OXNAD1: variants seen among roughly 807,000 people sequenced by gnomAD.
OXNAD1 encodes oxidoreductase NAD binding domain containing 1.
In OXNAD1, 34 loss-of-function variants were observed where a neutral mutation model predicts 32.9. The ratio of observed to expected loss-of-function variants is 1.03; its 90% CI spans 0.79 to 1.38. OXNAD1 has a LOEUF of 1.38. Among genes scored for constraint, OXNAD1 ranks in the 40% most tolerant of loss-of-function variants. The pLI, the probability that OXNAD1 is intolerant of heterozygous loss-of-function variation, is 0.00. For synonymous variants in OXNAD1, 134 were observed against 135.2 expected (o/e 0.99, Z 0.06); for missense variants, 407 against 379.4 (o/e 1.07, Z -0.60).
In OXNAD1 at chr3:16,315,982, T is replaced by C. The variant is rs541453825; in HGVS notation, c.*30+12390T>C. On this transcript the variant is annotated intron_variant, in intron 9 of 9. Transcript: ENST00000435829. ...TTGCATCTACCTAAAGCCTTAATAC[T>C]TTCTGGACGATATACACATGATAAA... 4 of 152,350 alleles carry C rather than the reference T, an allele frequency of 2.6e-5. No individual in the cohort carries two copies. The South Asian group carries it at 8.3e-4, about 32-fold the overall frequency. The allele number at this position is 152,350 out of a possible 1,614,324, so 9.4% of individuals were successfully genotyped here.
At position 16,312,317 on chromosome 3, in the gene OXNAD1, C is replaced by T. The variant is rs62233915; in HGVS notation, c.*30+8725C>T. On this transcript the variant is annotated intron_variant, in intron 9 of 9. Transcript: ENST00000435829. This position sits in a 1 kb window ranked among gnomAD's most constrained non-coding sequence, Gnocchi z 4.7. Reference sequence around the variant, plus strand: ...TGGGAAGCTGCATCAGTGGTTTTGGCGGGTCATAGTGCAGGCAGAGCACTA... The same window carrying T: ...TGGGAAGCTGCATCAGTGGTTTTGGTGGGTCATAGTGCAGGCAGAGCACTA... 0.13 allele frequency among the ~76,000 whole-genome samples: 20,477 copies of T among 152,086 alleles called. 1,464 individuals are homozygous for T. The highest frequency in any genetic ancestry group is 0.17 in the Middle Eastern group (49 of 294).
intron 4 of OXNAD1, among the ~76,000 whole-genome samples, chr3:16,272,589 C>G (rs2065025935): frequency 6.8e-6 from 1 of 148,134 alleles, no homozygotes; most frequent in Admixed American, 6.7e-5. Context: ...AGGCTAACTT[C>G]TTTCAGAAAG....
At chr3:16,326,726 A>C (rs2069733134) in intron 9 of OXNAD1, 1 of 1,406,350 alleles carries the variant, frequency 7.1e-7, no homozygotes, top group Non-Finnish European at 1.0e-6. Flanking sequence ...AGTGACTAGC[A>C]CAGAGTAAGT....
chr3:16,332,145 T>C (rs1348428706), intron 9 of OXNAD1, among the ~76,000 whole-genome samples: 1 of 152,222 alleles, frequency 6.6e-6, no homozygotes, highest in Non-Finnish European at 1.5e-5. Flanking sequence ...AATCTGAAGA[T>C]TCTTGTCCTT....
At chr3:16,309,047 T>TA (rs1319804186), downstream of OXNAD1, among the ~76,000 whole-genome samples, 1 of 152,220 alleles carries the variant, frequency 6.6e-6, no homozygotes, top group African/African-American at 2.4e-5. Context: ...AACTTCTGTA[T>TA]AAAAAACTTG....
At chr3:16,270,633 C>T (rs1475224209) in intron 2 of OXNAD1, among the ~76,000 whole-genome samples, 1 of 152,176 alleles carries the variant, frequency 6.6e-6, no homozygotes, top group African/African-American at 2.4e-5. Context: ...AATCTCCCCT[C>T]TTCTATAATA....
rs1308726994 is a variant in OXNAD1, at chr3:16,290,281, G to A, written c.290+3833G>A. ...ACATTTTTAAAGGTGTGTGTTTAAGGTATAATTCTTTCTTGGACAGATGTT... is the reference window on the plus strand; with the variant it reads ...ACATTTTTAAAGGTGTGTGTTTAAGATATAATTCTTTCTTGGACAGATGTT... On this transcript the variant is annotated intron_variant, in intron 5 of 8. Coordinates refer to ENST00000285083, the MANE Select transcript of OXNAD1 (RefSeq NM_138381.5). This position sits in a 1 kb window ranked among gnomAD's most constrained non-coding sequence, Gnocchi z 4.2. Among the ~76,000 whole-genome samples the A allele has an allele frequency of 6.6e-6, 1 of 152,184 alleles. No homozygotes were observed. The highest frequency in any genetic ancestry group is 1.5e-5 in the Non-Finnish European group (1 of 68,016).
At chr3:16,291,616 C>A (rs1186664082) in intron 5 of OXNAD1, among the ~76,000 whole-genome samples, 1 of 152,142 alleles carries the variant, frequency 6.6e-6, no homozygotes, top group Non-Finnish European at 1.5e-5. Context: ...ATGGATATGC[C>A]ACATTTTGTT....
intron 5 of OXNAD1, 64 bp from the exon 6 acceptor site, chr3:16,294,792 C>A: frequency 6.7e-7 from 1 of 1,496,898 alleles, no homozygotes. Context: ...TTTGTCAATT[C>A]TGTTTAATTT....
intron 9 of OXNAD1, among the ~76,000 whole-genome samples, chr3:16,318,855 C>T (rs1017238499): frequency 6.6e-6 from 1 of 152,184 alleles, no homozygotes; most frequent in Non-Finnish European, 1.5e-5. Flanking sequence ...ATGGGTGGAG[C>T]TTCTTCCACC....
rs550220032 is a variant in OXNAD1, at chr3:16,348,216, G to T, written c.*31-960G>T. Among the ~76,000 whole-genome samples, 2 of 152,142 alleles carry T rather than the reference G, an allele frequency of 1.3e-5. No individual in the cohort carries two copies. Among genetic ancestry groups the T allele is most frequent in the Admixed American group, 1.3e-4 (2 of 15,290 alleles). On this transcript the variant is annotated intron_variant, in intron 9 of 9. Transcript: ENST00000606098. The surrounding 1 kb of genome is among the most constrained non-coding windows in gnomAD (Gnocchi z 6.3). ...AGAGGCACAAGTGCTGCCTGTTTGA[G>T]GTGAAAGCATGATGGTAAAAAGGAA...
intron 9 of OXNAD1, among the ~76,000 whole-genome samples, chr3:16,318,126 A>G (rs1328627084): frequency 6.6e-6 from 1 of 151,990 alleles, no homozygotes; most frequent in East Asian, 1.9e-4. Flanking sequence ...TTGGGCAACA[A>G]CCAGGGTCTC....
chr3:16,313,205 A>ATTTTTTTTTTTTTT (rs750491540), intron 9 of OXNAD1, among the ~76,000 whole-genome samples: 2,392 of 103,418 alleles, frequency 0.023, 204 homozygotes, highest in African/African-American at 0.029. Flanking sequence ...CACCCAGCGG[A>ATTTTTTTTTTTTTT]TTTTTTTTTT....
In OXNAD1 at chr3:16,329,096, T is replaced by C. The variant is rs2070027988; in HGVS notation, c.*31-8016T>C. The stretch of plus-strand genomic sequence containing the variant: ...GTCAGAAGGGCTCCACTCTTGTGAA[T>C]GGGTTAATGCCAACTCAGGCAAAGG... On this transcript the variant is annotated intron_variant, in intron 9 of 9. Coordinates refer to the OXNAD1 transcript ENST00000435829. The surrounding 1 kb of genome is among the most constrained non-coding windows in gnomAD (Gnocchi z 4.5). Among the ~76,000 whole-genome samples, 1 of 152,166 alleles carries C rather than the reference T, an allele frequency of 6.6e-6. No homozygotes were observed. The highest frequency in any genetic ancestry group is 2.4e-5 in the African/African-American group (1 of 41,424).
intron 2 of OXNAD1, among the ~76,000 whole-genome samples, chr3:16,269,839 C>CATTTT (rs1311269177): frequency 6.6e-6 from 1 of 152,172 alleles, no homozygotes; most frequent in Non-Finnish European, 1.5e-5. Flanking sequence ...TATTCACATG[C>CATTTT]ATTTTCATTT....
rs1190762781 is a variant in OXNAD1, at chr3:16,334,863, C to G, written c.*31-2249C>G. The stretch of plus-strand genomic sequence containing the variant: ...ATTATCCAGGTGTGCCCAGTATAAT[C>G]ACAGGGGTCCTTATAAGGACAGGCA... On this transcript the variant is annotated intron_variant, in intron 9 of 9. Coordinates refer to the OXNAD1 transcript ENST00000435829. The surrounding 1 kb of genome is among the most constrained non-coding windows in gnomAD (Gnocchi z 4.3). 6.6e-6 allele frequency among the ~76,000 whole-genome samples: 1 copy of G among 152,150 alleles called. No individual in the cohort carries two copies. Among genetic ancestry groups the G allele is most frequent in the Non-Finnish European group, 1.5e-5 (1 of 68,030 alleles).
Position 16,301,935 on chromosome 3 carries a change from T to TC in OXNAD1, c.675+68dup. The stretch of plus-strand genomic sequence containing the variant: ...GTATTAATTGTTCATGAAAGTTTTT[T>TC]CTCTAGGTTTTGTTTTCTCTGCAAA... On this transcript the variant is annotated intron_variant, in intron 7 of 8. Coordinates refer to ENST00000285083, the MANE Select transcript of OXNAD1 (RefSeq NM_138381.5). This position sits in a 1 kb window ranked among gnomAD's most constrained non-coding sequence, Gnocchi z 4.1. The TC allele has an allele frequency of 6.5e-7, 1 of 1,546,018 alleles. No individual in the cohort carries two copies. The highest frequency in any genetic ancestry group is 8.7e-7 in the Non-Finnish European group (1 of 1,148,276).
At position 16,303,958 on chromosome 3, in the gene OXNAD1, T is replaced by G. The variant is rs1487268682; in HGVS notation, c.*396T>G. On this transcript the variant is annotated 3_prime_UTR_variant, in exon 9 of 9. Coordinates refer to ENST00000285083, the MANE Select transcript of OXNAD1 (RefSeq NM_138381.5). The surrounding 1 kb of genome is among the most constrained non-coding windows in gnomAD (Gnocchi z 4.8). ...AAATTATTTGACAGCCATCTATATA[T>G]CTTATGTTTAATGAAAGTATAATTT... 1 of 153,404 alleles carries G rather than the reference T, an allele frequency of 6.5e-6. No homozygotes were observed. The highest frequency in any genetic ancestry group is 1.4e-5 in the Non-Finnish European group (1 of 69,024). The allele number at this position is 153,404 out of a possible 1,614,324, so 9.5% of individuals were successfully genotyped here. A position where few individuals can be genotyped will look rare whatever the true frequency, so the allele number is the denominator to read the frequency against.
chr3:16,339,999 G>A (rs2071205724), downstream of OXNAD1: 1 of 152,166 alleles, frequency 6.6e-6, no homozygotes. Context: ...AGGATGCTGT[G>A]TTACCATTTT....
Sources: allele counts gnomAD v4.1 joint callset (sites outside exome capture counted in the v4.1 genomes callset), GRCh38; gene constraint gnomAD v4.1.1; non-coding constraint Gnocchi (gnomAD v3.1); transcripts MANE v1.5; gene names NCBI Gene and HGNC (gene_info 2026-07-23, HGNC 2026-07-21).